Variants in SNX29 observed in about 807,000 individuals in gnomAD.
SNX29 encodes the protein sorting nexin-29.
Under a neutral mutation model 102.1 loss-of-function variants are expected in SNX29, and 78 were observed. The ratio of observed to expected loss-of-function variants is 0.76; its 90% CI spans 0.64 to 0.92. The LOEUF is 0.92. Among genes scored for constraint, SNX29 ranks in the 40% least tolerant of loss-of-function variants. The probability of loss-of-function intolerance (pLI) is 0.00; values close to 1 mark genes in which losing one functional copy is unlikely to be tolerated. For missense variants in SNX29, 1,280 were observed against 1,061.7 expected (o/e 1.21, Z -2.86); for synonymous variants, 580 against 414.5 (o/e 1.40, Z -4.85).
intron 15 of SNX29, among the ~76,000 whole-genome samples, chr16:12,325,828 A>C (rs1045194720): frequency 6.6e-6 from 1 of 151,934 alleles, no homozygotes; most frequent in Admixed American, 6.5e-5. Flanking sequence ...GGAGTTCAAG[A>C]CCAGCCTGGA....
chr16:12,166,863 T>A (rs2056048892), intron 13 of SNX29, among the ~76,000 whole-genome samples: 1 of 152,194 alleles, frequency 6.6e-6, no homozygotes, highest in Admixed American at 6.5e-5. Context: ...TGTTGGTTTG[T>A]TTGGACTATT....
intron 16 of SNX29, among the ~76,000 whole-genome samples, chr16:12,362,553 T>TCTCC (rs2082332163): frequency 9.0e-5 from 1 of 11,060 alleles, no homozygotes; most frequent in Non-Finnish European, 2.1e-4. Flanking sequence ...GCTGCTGCAC[T>TCTCC]CCCCCCCCAC....
intron 20 of SNX29, among the ~76,000 whole-genome samples, chr16:12,559,417 G>T (rs962609786): frequency 6.6e-5 from 10 of 151,254 alleles, no homozygotes; most frequent in Admixed American, 2.0e-4. Context: ...CCATCTAGTT[G>T]CAGGAAAACA....
chr16:12,171,523 C>A (rs1018860085), intron 13 of SNX29, among the ~76,000 whole-genome samples: 2 of 152,236 alleles, frequency 1.3e-5, no homozygotes, highest in African/African-American at 4.8e-5. Flanking sequence ...GCACCCAGCT[C>A]TGGCTGTAGC....
At chr16:12,528,494 C>G (rs952708583) in intron 20 of SNX29, among the ~76,000 whole-genome samples, 1 of 152,200 alleles carries the variant, frequency 6.6e-6, no homozygotes, top group Admixed American at 6.5e-5. Context: ...GCCACCACCC[C>G]CAGCCTAGCT....
At chr16:12,059,933 C>G (rs2050700256) in intron 8 of SNX29, among the ~76,000 whole-genome samples, 1 of 152,192 alleles carries the variant, frequency 6.6e-6, no homozygotes, top group African/African-American at 2.4e-5. Context: ...AAGCCACACA[C>G]TTTTTCTTCT....
At chr16:12,110,619 C>G (rs1306837490) in intron 11 of SNX29, among the ~76,000 whole-genome samples, 1 of 152,088 alleles carries the variant, frequency 6.6e-6, no homozygotes, top group Non-Finnish European at 1.5e-5. Context: ...TGCGGTGAGA[C>G]AAACGCCCAG....
intron 20 of SNX29, among the ~76,000 whole-genome samples, chr16:12,554,467 C>A (rs1028159103): frequency 6.6e-6 from 1 of 152,232 alleles, no homozygotes; most frequent in East Asian, 1.9e-4. Flanking sequence ...TCCATGGGTC[C>A]TGCACATAGG....
intron 16 of SNX29, among the ~76,000 whole-genome samples, chr16:12,378,436 G>T (rs1470262182): frequency 6.6e-6 from 1 of 152,180 alleles, no homozygotes; most frequent in Non-Finnish European, 1.5e-5. Flanking sequence ...GATTACCTGA[G>T]GTCAGGAGTT....
intron 14 of SNX29, among the ~76,000 whole-genome samples, chr16:12,276,233 G>A (rs894338294): frequency 2.0e-5 from 3 of 152,104 alleles, no homozygotes; most frequent in Non-Finnish European, 2.9e-5. Context: ...GGATGTGAGT[G>A]TAAATTACTG....
Position 12,233,201 on chromosome 16 carries a change from A to G in SNX29, c.1678+33518A>G, listed in dbSNP as rs150935792. On this transcript the variant is annotated intron_variant, in intron 14 of 20. Transcript: ENST00000566228. Reference sequence around the variant, plus strand: ...ATGTAGTCAGTCCAGGTACCCATCAATGGTAGACTGGATAAAGAAAATGTG... The same window carrying G: ...ATGTAGTCAGTCCAGGTACCCATCAGTGGTAGACTGGATAAAGAAAATGTG... Among the ~76,000 whole-genome samples, 113 of 152,186 alleles carry G rather than the reference A, an allele frequency of 7.4e-4. 2 individuals are homozygous for G. The Middle Eastern group carries it at 0.017, about 23-fold the overall frequency.
chr16:12,271,772 G>A (rs1433727149), intron 14 of SNX29, among the ~76,000 whole-genome samples: 5 of 151,930 alleles, frequency 3.3e-5, no homozygotes, highest in Non-Finnish European at 7.4e-5. Flanking sequence ...ACAGGCATGT[G>A]CCACCATGCC....
At chr16:12,150,988 T>TC (rs1304937629) in intron 13 of SNX29, among the ~76,000 whole-genome samples, 2 of 152,208 alleles carry the variant, frequency 1.3e-5, no homozygotes, top group Non-Finnish European at 2.9e-5. Flanking sequence ...AAGATACCTT[T>TC]CCCCTGTCTG....
chr16:12,531,880 G>A (rs2076941175), intron 20 of SNX29, among the ~76,000 whole-genome samples: 1 of 152,212 alleles, frequency 6.6e-6, no homozygotes, highest in African/African-American at 2.4e-5. Context: ...CATGCCTCAG[G>A]AAATGTATGT....
intron 18 of SNX29, among the ~76,000 whole-genome samples, chr16:12,470,173 T>G (rs993560784): frequency 2.6e-5 from 4 of 152,164 alleles, no homozygotes; most frequent in African/African-American, 9.7e-5. Flanking sequence ...TATTACAACA[T>G]GCAGAAAAAA....
chr16:12,157,322 C>T (rs1304238069), intron 13 of SNX29, among the ~76,000 whole-genome samples: 4 of 152,132 alleles, frequency 2.6e-5, no homozygotes, highest in Non-Finnish European at 4.4e-5. Flanking sequence ...CAGGGCAGAC[C>T]TCATGGTTAT....
rs2079188360 is a variant in SNX29 at position 12,571,565 on chromosome 16, C to T, written c.*2936C>T. On this transcript the variant is annotated 3_prime_UTR_variant, in exon 21 of 21. Coordinates refer to ENST00000566228, the MANE Select transcript of SNX29 (RefSeq NM_032167.5). Reference sequence around the variant, plus strand: ...TGGGAGGAAGAATCCACACCGAATCCTTCTGTCTTCATGGCCTGCTGTGCT... The same window carrying T: ...TGGGAGGAAGAATCCACACCGAATCTTTCTGTCTTCATGGCCTGCTGTGCT... The T allele has an allele frequency of 6.8e-6, 7 of 1,023,010 alleles. No individual in the cohort carries two copies. The South Asian group carries it at 2.8e-4, about 42-fold the overall frequency. 63.4% of individuals were successfully genotyped at this position (1,023,010 alleles called of 1,614,324 possible).
chr16:12,116,147 G>A (rs2053691433), intron 11 of SNX29, among the ~76,000 whole-genome samples: 1 of 152,188 alleles, frequency 6.6e-6, no homozygotes, highest in Non-Finnish European at 1.5e-5. Flanking sequence ...ACAGTTTGGT[G>A]GATCCTTAAA....
At chr16:12,238,250 A>C (rs2077995893) in intron 14 of SNX29, among the ~76,000 whole-genome samples, 1 of 151,680 alleles carries the variant, frequency 6.6e-6, no homozygotes, top group Non-Finnish European at 1.5e-5. Flanking sequence ...GAGGAAATTA[A>C]GGGGTAAGAA....
Sources: allele counts gnomAD v4.1 joint callset (sites outside exome capture counted in the v4.1 genomes callset), GRCh38; gene constraint gnomAD v4.1.1; transcripts MANE v1.5; gene names NCBI Gene and HGNC (gene_info 2026-07-23, HGNC 2026-07-21).